POLK: variants seen among roughly 807,000 people sequenced by gnomAD.
POLK encodes the protein polymerase (DNA directed) kappa.
A neutral mutation model predicts 94.0 loss-of-function variants in POLK; 76 were observed. The ratio of observed to expected loss-of-function variants is 0.81; its 90% confidence interval spans 0.67 to 0.98. The LOEUF is 0.98. Ranked by LOEUF, POLK falls within the 50% of genes least tolerant of loss-of-function variation. The pLI, the probability that POLK is intolerant of heterozygous loss-of-function variation, is 0.00. For synonymous variants in POLK, 349 were observed against 325.4 expected (o/e 1.07, Z -0.78); for missense variants, 954 against 1,010.1 (o/e 0.94, Z 0.75).
intron 11 of POLK, among the ~76,000 whole-genome samples, chr5:75,591,866 TC>T (rs1772805634): frequency 6.6e-6 from 1 of 152,222 alleles, no homozygotes; most frequent in African/African-American, 2.4e-5. Context: ...AGAGGAAGTG[TC>T]CTTCTCATAA....
chr5:75,520,316 T>A (rs1464613432), intron 1 of POLK, among the ~76,000 whole-genome samples: 1 of 152,232 alleles, frequency 6.6e-6, no homozygotes, highest in Non-Finnish European at 1.5e-5. Context: ...ACTAGAATTA[T>A]GGGAGGACCA....
At chr5:75,538,857 A>T (rs1769591454) in intron 1 of POLK, among the ~76,000 whole-genome samples, 1 of 152,064 alleles carries the variant, frequency 6.6e-6, no homozygotes, top group South Asian at 2.1e-4. Flanking sequence ...TGCAACCTCC[A>T]CTTTCCAAGT....
intron 1 of POLK, among the ~76,000 whole-genome samples, chr5:75,526,237 A>G (rs1768835476): frequency 6.6e-6 from 1 of 152,162 alleles, no homozygotes; most frequent in African/African-American, 2.4e-5. Flanking sequence ...TAAAAAAAAG[A>G]AAAAAGAAAA....
At chr5:75,576,872 A>G (rs1040371643) in exon 6 of POLK, 4 of 1,569,412 alleles carry the variant, frequency 2.5e-6, no homozygotes, top group African/African-American at 2.7e-5. Context: ...TAGAAGAAAG[A>G]CAAAATTGGC....
intron 1 of POLK, among the ~76,000 whole-genome samples, chr5:75,545,914 A>G (rs1348220700): frequency 2.0e-5 from 3 of 152,212 alleles, no homozygotes; most frequent in Non-Finnish European, 2.9e-5. Flanking sequence ...ATGGCGAATA[A>G]TATCTATCTT....
intron 2 of POLK, among the ~76,000 whole-genome samples, chr5:75,551,083 G>C (rs968993243): frequency 6.6e-6 from 1 of 151,082 alleles, no homozygotes; most frequent in Admixed American, 6.6e-5. Context: ...CCCTTACGCC[G>C]TACACAAAAT....
At chr5:75,575,835 AAC>A in intron 5 of POLK, among the ~76,000 whole-genome samples, 1 of 152,272 alleles carries the variant, frequency 6.6e-6, no homozygotes, top group Non-Finnish European at 1.5e-5. Context: ...TAAAAGAAGA[AAC>A]AGTTTTCTCA....
At chr5:75,514,860 G>C (rs896463301) in intron 1 of POLK, among the ~76,000 whole-genome samples, 2 of 149,752 alleles carry the variant, frequency 1.3e-5, no homozygotes, top group African/African-American at 4.9e-5. Flanking sequence ...GTGAGACCCT[G>C]TCTCAAAAAA....
chr5:75,552,716 A>G lies in POLK; in HGVS notation c.255+125A>G, dbSNP rs144244121. 2.3e-4 allele frequency: 224 copies of G among 985,734 alleles called. 2 individuals are homozygous for G. In the African/African-American group the frequency reaches 3.2e-3, roughly 14 times the overall value. 61.1% of individuals were successfully genotyped at this position (985,734 alleles called of 1,614,324 possible). On this transcript the variant is annotated intron_variant, in intron 3 of 14. Coordinates refer to ENST00000241436, the Ensembl canonical transcript of POLK. ...ATGTTCATTATATTGTAAAGCATAC[A>G]TATTCAGCAAATGAACATACTTTAC...
intron 3 of POLK, among the ~76,000 whole-genome samples, chr5:75,562,719 AG>A (rs1464581327): frequency 6.6e-6 from 1 of 152,162 alleles, no homozygotes; most frequent in Non-Finnish European, 1.5e-5. Context: ...TTTAGCATGA[AG>A]GGGTGTTGAA....
At chr5:75,590,321 C>T in intron 10 of POLK, 23 bp from the exon 11 acceptor site, 2 of 1,399,800 alleles carry the variant, frequency 1.4e-6, no homozygotes, top group Non-Finnish European at 2.0e-6. Context: ...CTTTGTGCGC[C>T]AAAATTATTC....
rs537904247 is a variant in POLK at position 75,525,622 on chromosome 5, A to G, written c.-14+13708A>G. Among the ~76,000 whole-genome samples, 3 of 152,312 alleles carry G rather than the reference A, an allele frequency of 2.0e-5. No individual in the cohort carries two copies. In the South Asian group the frequency reaches 6.2e-4, roughly 32 times the overall value. The stretch of plus-strand genomic sequence containing the variant: ...AGAGAGATTATAGGAAGAGGAAGAA[A>G]CAATAGTAATAGCCACAACTTTCTC... On this transcript the variant is annotated intron_variant, in intron 1 of 14. Coordinates refer to ENST00000241436, the Ensembl canonical transcript of POLK.
chr5:75,590,907 C>A (rs1456760419), intron 11 of POLK, among the ~76,000 whole-genome samples: 3 of 152,268 alleles, frequency 2.0e-5, no homozygotes, highest in Admixed American at 1.3e-4. Flanking sequence ...CACAGGACAA[C>A]AAAACCTATA....
chr5:75,527,605 TCTTAGATC>T (rs1181935876), intron 1 of POLK, among the ~76,000 whole-genome samples: 2 of 151,982 alleles, frequency 1.3e-5, no homozygotes, highest in African/African-American at 4.8e-5. Context: ...ATAGTTTTAT[TCTTAGATC>T]AACTGTTTGG....
downstream of POLK, among the ~76,000 whole-genome samples, chr5:75,602,656 CAAG>C (rs1326233834): frequency 2.6e-5 from 4 of 152,160 alleles, no homozygotes; most frequent in Middle Eastern, 3.2e-3. Flanking sequence ...TAGGGGGTCT[CAAG>C]GAGGATGGGC....
chr5:75,522,749 A>G (rs1447999678), intron 1 of POLK, among the ~76,000 whole-genome samples: 1 of 152,188 alleles, frequency 6.6e-6, no homozygotes, highest in African/African-American at 2.4e-5. Flanking sequence ...ATACTAAAAT[A>G]CAGAGCATAG....
intron 11 of POLK, among the ~76,000 whole-genome samples, chr5:75,593,401 G>A (rs932797845): frequency 4.9e-4 from 75 of 152,142 alleles, no homozygotes; most frequent in African/African-American, 1.6e-3. Flanking sequence ...GATTACAGGC[G>A]TGAGCCACTG....
chr5:75,588,235 C>G (rs1772573960), intron 10 of POLK, among the ~76,000 whole-genome samples: 1 of 152,008 alleles, frequency 6.6e-6, no homozygotes, highest in South Asian at 2.1e-4. Flanking sequence ...CTCCCCTTGG[C>G]TTTCTAAAAT....
chr5:75,569,401 T>C (rs1581043494), exon 4 of POLK: 1 of 1,613,562 alleles, frequency 6.2e-7, no homozygotes, highest in Non-Finnish European at 8.5e-7. Flanking sequence ...ATAGTGCACA[T>C]TGACATGGAT....
Sources: gnomAD v4.1 joint callset for allele counts (sites outside exome capture counted in the v4.1 genomes callset) on GRCh38, gnomAD v4.1.1 for gene constraint, MANE v1.5 for transcripts, NCBI Gene and HGNC (gene_info 2026-07-23, HGNC 2026-07-21) for gene names.